The following SRPK2 variants were observed in gnomAD, a reference collection of about 807,000 sequenced individuals.
SRPK2 encodes the protein SFRS protein kinase 2.
Under a neutral mutation model 90.8 loss-of-function variants are expected in SRPK2, and 21 were observed. The observed-to-expected ratio is 0.23, with a 90% CI of 0.16 to 0.33. The LOEUF is 0.33. SRPK2 is among the 10% of genes least tolerant of loss of function. The pLI is 1.00. For synonymous variants in SRPK2, 288 were observed against 311.1 expected (o/e 0.93, Z 0.78); for missense variants, 620 against 869.0 (o/e 0.71, Z 3.60).
At chr7:105,256,056 C>G (rs1300509228) in intron 2 of SRPK2, among the ~76,000 whole-genome samples, 3 of 152,170 alleles carry the variant, frequency 2.0e-5, no homozygotes. Context: ...GAGCAGTGAT[C>G]TGCAGTGTTT....
chr7:105,232,590 A>G (rs1799575008), intron 2 of SRPK2, among the ~76,000 whole-genome samples: 1 of 134,658 alleles, frequency 7.4e-6, no homozygotes, highest in Admixed American at 7.8e-5. Context: ...CTAAGTCTCT[A>G]AAGTGAAAAG....
At chr7:105,118,850 G>A (rs1799929260) in intron 15 of SRPK2, among the ~76,000 whole-genome samples, 1 of 152,136 alleles carries the variant, frequency 6.6e-6, no homozygotes, top group Non-Finnish European at 1.5e-5. Flanking sequence ...GGTCAAGGCT[G>A]CAGTGAGTCA....
At chr7:105,280,037 T>C (rs1049620635) in intron 2 of SRPK2, among the ~76,000 whole-genome samples, 1 of 152,212 alleles carries the variant, frequency 6.6e-6, no homozygotes, top group Non-Finnish European at 1.5e-5. Context: ...AATAAGTATT[T>C]TTATAATCTT....
At chr7:105,246,194 C>T (rs1042840742) in intron 2 of SRPK2, among the ~76,000 whole-genome samples, 7 of 152,306 alleles carry the variant, frequency 4.6e-5, no homozygotes, top group African/African-American at 1.7e-4. Context: ...TTCATTTAAA[C>T]ACAGACAGAA....
intron 3 of SRPK2, among the ~76,000 whole-genome samples, chr7:105,173,929 T>G (rs1474998826): frequency 6.6e-6 from 1 of 151,360 alleles, no homozygotes; most frequent in African/African-American, 2.4e-5. Flanking sequence ...GGTGTTTTTT[T>G]TTTTTTTTTT....
At position 105,170,977 on chromosome 7, in the gene SRPK2, G is replaced by GAAAGAGAA. The variant is rs749907215; in HGVS notation, c.230-1713_230-1712insTTCTCTTT. On this transcript the variant is annotated intron_variant, in intron 3 of 15. Transcript: ENST00000393651. The stretch of plus-strand genomic sequence containing the variant: ...AAAGAAAGAAAGAAAGAGAAAGAAA[G>GAAAGAGAA]AGAAAGAAAGAAAGAAAGAGAAAGA... 4.4e-3 allele frequency among the ~76,000 whole-genome samples: 187 copies of GAAAGAGAA among 42,208 alleles called. 17 individuals are homozygous for GAAAGAGAA. The highest frequency in any genetic ancestry group is 0.016 in the African/African-American group (162 of 10,000). The allele number at this position is 42,208 out of a possible 152,430, so 27.7% of individuals were successfully genotyped here.
At chr7:105,392,699 T>C (rs1002940871), upstream of SRPK2, among the ~76,000 whole-genome samples, 4 of 152,100 alleles carry the variant, frequency 2.6e-5, no homozygotes, top group East Asian at 5.8e-4. Flanking sequence ...GTTTTCACCA[T>C]GTTGGCCAGG....
chr7:105,284,137 C>T (rs116661330), intron 2 of SRPK2, among the ~76,000 whole-genome samples: 23 of 152,242 alleles, frequency 1.5e-4, no homozygotes, highest in African/African-American at 5.3e-4. Flanking sequence ...GAAACCGGGG[C>T]GGTCTAACAC....
intron 2 of SRPK2, among the ~76,000 whole-genome samples, chr7:105,308,796 A>G (rs1041525168): frequency 2.0e-5 from 3 of 152,204 alleles, no homozygotes; most frequent in African/African-American, 7.2e-5. Flanking sequence ...TCACAGTTTC[A>G]TAATTAACAT....
At chr7:105,119,306 G>A (rs992801450) in intron 15 of SRPK2, among the ~76,000 whole-genome samples, 8 of 152,068 alleles carry the variant, frequency 5.3e-5, no homozygotes, top group Admixed American at 3.9e-4. Flanking sequence ...ATTTATTCGA[G>A]TCAACTTGGA....
chr7:105,310,819 C>T (rs1457274092), intron 2 of SRPK2, among the ~76,000 whole-genome samples: 2 of 152,096 alleles, frequency 1.3e-5, no homozygotes, highest in Non-Finnish European at 2.9e-5. Context: ...TAGTTTTTGG[C>T]ATATCTATTA....
chr7:105,118,076 A>G (rs1354518412), intron 15 of SRPK2, 54 bp from the exon 16 acceptor site: 24 of 1,592,540 alleles, frequency 1.5e-5, no homozygotes, highest in Non-Finnish European at 2.0e-5. Flanking sequence ...TGCATTCCCC[A>G]TTGTTGGTCC....
At chr7:105,256,775 A>G (rs1803372726) in intron 2 of SRPK2, among the ~76,000 whole-genome samples, 2 of 152,364 alleles carry the variant, frequency 1.3e-5, no homozygotes, top group South Asian at 4.1e-4. Flanking sequence ...AATCAGCAAG[A>G]GAGCCGATCA....
At chr7:105,239,774 T>A (rs1800574882) in intron 2 of SRPK2, among the ~76,000 whole-genome samples, 1 of 152,216 alleles carries the variant, frequency 6.6e-6, no homozygotes, top group South Asian at 2.1e-4. Flanking sequence ...GATACATGGT[T>A]GATAAGAATA....
At chr7:105,346,979 G>A (rs1450128015) in intron 2 of SRPK2, among the ~76,000 whole-genome samples, 3 of 150,328 alleles carry the variant, frequency 2.0e-5, no homozygotes, top group African/African-American at 4.9e-5. Flanking sequence ...TCTACATGAA[G>A]AAATAAAATA....
chr7:105,245,314 G>C (rs1298254235), intron 2 of SRPK2, among the ~76,000 whole-genome samples: 1 of 152,124 alleles, frequency 6.6e-6, no homozygotes, highest in Middle Eastern at 3.2e-3. Context: ...GCAGCGTGCA[G>C]GGGACATGGC....
At chr7:105,247,331 A>G (rs2129629033) in intron 2 of SRPK2, among the ~76,000 whole-genome samples, 1 of 152,326 alleles carries the variant, frequency 6.6e-6, no homozygotes, top group East Asian at 1.9e-4. Flanking sequence ...TAAAATACAG[A>G]TGATTAATAA....
At chr7:105,243,653 A>G (rs1483478018) in intron 2 of SRPK2, among the ~76,000 whole-genome samples, 1 of 147,680 alleles carries the variant, frequency 6.8e-6, no homozygotes, top group Non-Finnish European at 1.5e-5. Flanking sequence ...AAAAAAAACC[A>G]CATGCCAAGC....
At chr7:105,356,417 G>A (rs1203076667) in intron 2 of SRPK2, among the ~76,000 whole-genome samples, 1 of 152,292 alleles carries the variant, frequency 6.6e-6, no homozygotes, top group Non-Finnish European at 1.5e-5. Flanking sequence ...AGGATAAATG[G>A]AATCTGGGCA....
Sources: allele counts gnomAD v4.1 joint callset (sites outside exome capture counted in the v4.1 genomes callset), GRCh38; gene constraint gnomAD v4.1.1; transcripts MANE v1.5; gene names NCBI Gene and HGNC (gene_info 2026-07-23, HGNC 2026-07-21).